ADGRF5: variants seen among roughly 807,000 people sequenced by gnomAD.
ADGRF5 encodes the protein adhesion G protein-coupled receptor F5, also known as G-protein coupled receptor 116.
In ADGRF5, 75 loss-of-function variants were observed where a neutral mutation model predicts 132.3. The ratio of observed to expected loss-of-function variants is 0.57; its 90% CI spans 0.47 to 0.69. ADGRF5 has a LOEUF of 0.69. Among genes scored for constraint, ADGRF5 ranks in the 30% least tolerant of loss-of-function variants. ADGRF5 has a pLI of 0.00. For missense variants in ADGRF5, 1,516 were observed against 1,630.6 expected (o/e 0.93, Z 1.21); for synonymous variants, 629 against 597.6 (o/e 1.05, Z -0.77).
chr6:46,898,130 T>C (rs1304881612), intron 3 of ADGRF5, among the ~76,000 whole-genome samples: 3 of 152,200 alleles, frequency 2.0e-5, no homozygotes, highest in Admixed American at 6.6e-5. Flanking sequence ...TCCTTAGATG[T>C]AGAAATGGTT....
At chr6:46,949,084 A>C (rs909215460) in intron 1 of ADGRF5, among the ~76,000 whole-genome samples, 2 of 152,224 alleles carry the variant, frequency 1.3e-5, no homozygotes, top group African/African-American at 2.4e-5. Context: ...TACATTTCAA[A>C]GGATTTTTTT....
chr6:46,946,028 C>T (rs893240359), intron 1 of ADGRF5, among the ~76,000 whole-genome samples: 18 of 152,088 alleles, frequency 1.2e-4, no homozygotes, highest in African/African-American at 3.6e-4. Context: ...TATTACAGCT[C>T]AAGGTGAGAT....
chr6:46,867,206 G>A (rs1462195116), intron 12 of ADGRF5, 69 bp from the exon 13 acceptor site: 1 of 890,294 alleles, frequency 1.1e-6, no homozygotes, highest in African/African-American at 1.7e-5. Flanking sequence ...TGCTGGGAAG[G>A]TTAAGAAGAG....
At chr6:46,919,666 A>G (rs775186229) in intron 1 of ADGRF5, among the ~76,000 whole-genome samples, 12 of 152,204 alleles carry the variant, frequency 7.9e-5, no homozygotes, top group African/African-American at 2.4e-4. Flanking sequence ...TGTGGCTAAC[A>G]CTGTGCACTT....
chr6:46,917,757 A>G (rs953964382), intron 1 of ADGRF5, among the ~76,000 whole-genome samples: 2 of 152,172 alleles, frequency 1.3e-5, no homozygotes, highest in African/African-American at 4.8e-5. Context: ...TATGAGTGAG[A>G]ACATGCAGTG....
intron 2 of ADGRF5, among the ~76,000 whole-genome samples, chr6:46,906,174 T>C (rs1248474808): frequency 1.3e-5 from 2 of 152,254 alleles, no homozygotes; most frequent in African/African-American, 4.8e-5. Flanking sequence ...ATGATGTCTA[T>C]GGTCCCTTCA....
chr6:46,950,734 C>T (rs1299642712), intron 1 of ADGRF5, among the ~76,000 whole-genome samples: 3 of 152,116 alleles, frequency 2.0e-5, no homozygotes, highest in South Asian at 2.1e-4. Flanking sequence ...AGGAAGGTCT[C>T]GATCTCTTGA....
chr6:46,900,956 C>G (rs1330424312), intron 2 of ADGRF5, among the ~76,000 whole-genome samples: 2 of 152,136 alleles, frequency 1.3e-5, no homozygotes, highest in Non-Finnish European at 2.9e-5. Context: ...TGCCTCAGTT[C>G]TTACCTATAG....
intron 3 of ADGRF5, among the ~76,000 whole-genome samples, chr6:46,897,036 C>T (rs1001208574): frequency 2.6e-5 from 4 of 151,768 alleles, no homozygotes; most frequent in Non-Finnish European, 4.4e-5. Context: ...TGAGGGGTTC[C>T]TGGAACCAAT....
chr6:46,920,862 C>CA (rs1186537848), intron 1 of ADGRF5, among the ~76,000 whole-genome samples: 2 of 151,184 alleles, frequency 1.3e-5, no homozygotes, highest in African/African-American at 4.9e-5. Context: ...GACTCCATCT[C>CA]AAAAAAATAA....
intron 1 of ADGRF5, among the ~76,000 whole-genome samples, chr6:46,912,910 C>T (rs1168896424): frequency 1.3e-5 from 2 of 152,150 alleles, no homozygotes; most frequent in Non-Finnish European, 2.9e-5. Context: ...GCACAAAGCC[C>T]TCTTCAGCAC....
chr6:46,858,043 C>T (rs538170176), intron 17 of ADGRF5, 86 bp downstream of exon 17: 15 of 991,964 alleles, frequency 1.5e-5, no homozygotes. Context: ...AAATCCTTCC[C>T]CATTCCTACT....
intron 1 of ADGRF5, among the ~76,000 whole-genome samples, chr6:46,947,687 C>A (rs1340863055): frequency 6.6e-6 from 1 of 152,208 alleles, no homozygotes. Context: ...TTCGGACATT[C>A]GCAACCTGCC....
chr6:46,948,514 G>A (rs768137447), intron 1 of ADGRF5, among the ~76,000 whole-genome samples: 1 of 135,296 alleles, frequency 7.4e-6, no homozygotes, highest in East Asian at 2.1e-4. Context: ...GTGTGTGTGT[G>A]TATGTGTGTG....
In ADGRF5 at chr6:46,888,392, T is replaced by C. The variant is rs1328843859; in HGVS notation, c.271A>G (p.Ile91Val). Residue 91 changes from isoleucine (I) to valine (V), a missense_variant, in exon 4 of 21, where the codon ATT becomes GTT. Transcript: ENST00000283296. ...KAYLNSLSFP[I>V]HGNNTDQITD... is the part of the protein sequence containing the mutation. ...ATTTGGTCAGTGTTATTCCCATGAA[T>C]TGGAAAACTGAGGCTGTTCAAGTAG... is the stretch of plus-strand genomic sequence containing the variant. The C allele has an allele frequency of 1.2e-6, 2 of 1,612,440 alleles. No individual in the cohort carries two copies. The highest frequency in any genetic ancestry group is 2.2e-5 in the South Asian group (2 of 91,052).
intron 1 of ADGRF5, among the ~76,000 whole-genome samples, chr6:46,912,989 T>G (rs962261188): frequency 1.3e-5 from 2 of 152,232 alleles, no homozygotes; most frequent in Admixed American, 6.5e-5. Flanking sequence ...CCCTTTTTGC[T>G]GGCCTGTCCA....
intron 10 of ADGRF5, among the ~76,000 whole-genome samples, chr6:46,877,264 T>TTTC (rs1771815232): frequency 2.6e-5 from 1 of 38,360 alleles, no homozygotes; most frequent in African/African-American, 1.7e-4. Context: ...TCTTTCTTTC[T>TTTC]TTCTTTCTTT....
chr6:46,919,449 A>G (rs557335902), intron 1 of ADGRF5, among the ~76,000 whole-genome samples: 10 of 152,350 alleles, frequency 6.6e-5, no homozygotes, highest in South Asian at 6.2e-4. Flanking sequence ...ATATAAATAC[A>G]AGAGATTGAA....
At chr6:46,911,579 TGAA>T (rs987430687) in intron 1 of ADGRF5, among the ~76,000 whole-genome samples, 130 of 152,322 alleles carry the variant, frequency 8.5e-4, no homozygotes, top group African/African-American at 2.6e-3. Context: ...CCCTCACAGA[TGAA>T]GGTTTCCTGA....
Sources: gnomAD v4.1 joint callset for allele counts (sites outside exome capture counted in the v4.1 genomes callset) on GRCh38, gnomAD v4.1.1 for gene constraint, MANE v1.5 for transcripts, NCBI Gene and HGNC (gene_info 2026-07-23, HGNC 2026-07-21) for gene names.